The following PTPRD variants were observed in gnomAD, a reference collection of about 807,000 sequenced individuals.
The protein encoded by PTPRD is receptor-type tyrosine-protein phosphatase delta.
In PTPRD, 34 loss-of-function variants were observed where a neutral mutation model predicts 214.5. The ratio of observed to expected loss-of-function variants is 0.16; its 90% CI spans 0.12 to 0.21. PTPRD has a LOEUF of 0.21. PTPRD is among the 10% of genes least tolerant of loss of function. The pLI is 1.00. For missense variants in PTPRD, 2,545 were observed against 2,398.7 expected, an observed-to-expected ratio of 1.06 and a Z score of -1.27; for synonymous variants, 1,128 against 845.7, an observed-to-expected ratio of 1.33 and a Z score of -5.79.
chr9:8,461,478 T>G (rs1461641460), intron 32 of PTPRD, among the ~76,000 whole-genome samples: 1 of 151,972 alleles, frequency 6.6e-6, no homozygotes, highest in Non-Finnish European at 1.5e-5. Context: ...TCTTCTTGGC[T>G]CTACCTGCCC....
intron 2 of PTPRD, among the ~76,000 whole-genome samples, chr9:10,570,351 A>G (rs1382055683): frequency 2.0e-5 from 3 of 152,186 alleles, no homozygotes; most frequent in African/African-American, 7.2e-5. Context: ...AAAGGTCACA[A>G]ATGATTATGG....
At chr9:10,365,608 G>A (rs957043482) in intron 2 of PTPRD, among the ~76,000 whole-genome samples, 6 of 151,858 alleles carry the variant, frequency 4.0e-5, no homozygotes, top group Non-Finnish European at 8.8e-5. Flanking sequence ...CCAGATTATC[G>A]ACTTCTAGCA....
At chr9:9,444,171 C>A (rs531719591) in intron 8 of PTPRD, among the ~76,000 whole-genome samples, 8 of 152,184 alleles carry the variant, frequency 5.3e-5, no homozygotes, top group African/African-American at 1.4e-4. Flanking sequence ...TTAACATGTT[C>A]TTTGGATTTC....
At chr9:9,831,400 A>AT (rs1195195293) in intron 5 of PTPRD, among the ~76,000 whole-genome samples, 1 of 151,930 alleles carries the variant, frequency 6.6e-6, no homozygotes, top group Non-Finnish European at 1.5e-5. Flanking sequence ...AGGTTACTAC[A>AT]TTTTTTAGAT....
intron 2 of PTPRD, among the ~76,000 whole-genome samples, chr9:10,447,606 T>C (rs1783954957): frequency 6.6e-6 from 1 of 151,972 alleles, no homozygotes; most frequent in Non-Finnish European, 1.5e-5. Flanking sequence ...CTAATCATAC[T>C]ATATACAAAT....
At chr9:10,044,425 A>T (rs1442004780) in intron 3 of PTPRD, among the ~76,000 whole-genome samples, 1 of 151,768 alleles carries the variant, frequency 6.6e-6, no homozygotes, top group Admixed American at 6.6e-5. Context: ...AGATGTAAAA[A>T]TTGGATCAGA....
chr9:10,345,060 A>G (rs2097044172), intron 2 of PTPRD, among the ~76,000 whole-genome samples: 1 of 152,136 alleles, frequency 6.6e-6, no homozygotes, highest in Non-Finnish European at 1.5e-5. Flanking sequence ...GGTGAAGACT[A>G]TGGCTAAAAA....
At chr9:8,900,655 A>G (rs939501372) in intron 11 of PTPRD, among the ~76,000 whole-genome samples, 7 of 152,188 alleles carry the variant, frequency 4.6e-5, no homozygotes, top group African/African-American at 1.7e-4. Context: ...TAGTAATGAT[A>G]GTATAGCAGT....
At chr9:10,529,016 A>C (rs1036257441) in intron 2 of PTPRD, among the ~76,000 whole-genome samples, 2 of 152,156 alleles carry the variant, frequency 1.3e-5, no homozygotes, top group Non-Finnish European at 2.9e-5. Context: ...AGGTTTAGTG[A>C]AGCTCCTAGT....
rs139972204 is a variant in PTPRD at position 8,353,830 on chromosome 9, A to ATGTGTATATGTGTATATG, written c.4662-11853_4662-11852insCATATACACATATACACA. 2.4e-3 allele frequency among the ~76,000 whole-genome samples: 66 copies of ATGTGTATATGTGTATATG among 27,672 alleles called. 5 individuals are homozygous for ATGTGTATATGTGTATATG. The highest frequency in any genetic ancestry group is 8.3e-3 in the African/African-American group (65 of 7,852). 18.2% of individuals were successfully genotyped at this position (27,672 alleles called of 152,430 possible). On this transcript the variant is annotated intron_variant, in intron 39 of 45. Coordinates refer to ENST00000381196, the MANE Select transcript of PTPRD (RefSeq NM_002839.4). ...TTCTCAAAAAAAAATATATGTATAT[A>ATGTGTATATGTGTATATG]TGTATATATGTATATATGTATATAT...
intron 5 of PTPRD, among the ~76,000 whole-genome samples, chr9:9,926,514 C>T (rs2084368945): frequency 6.6e-6 from 1 of 151,504 alleles, no homozygotes; most frequent in Non-Finnish European, 1.5e-5. Context: ...ATGCATACAA[C>T]AGAGAAAAAG....
intron 9 of PTPRD, among the ~76,000 whole-genome samples, chr9:9,186,665 T>A (rs945463): frequency 0.7 from 96,386 of 137,998 alleles, 33,647 homozygotes; most frequent in South Asian, 0.84. Context: ...TCTCTCTCTC[T>A]CACACACACA....
chr9:10,220,403 C>T (rs545202526), intron 3 of PTPRD, among the ~76,000 whole-genome samples: 2 of 151,840 alleles, frequency 1.3e-5, no homozygotes, highest in South Asian at 2.1e-4. Flanking sequence ...AAACTACTCA[C>T]GTAACTTTAC....
chr9:9,704,132 T>G (rs1413335052), intron 7 of PTPRD, among the ~76,000 whole-genome samples: 1 of 152,218 alleles, frequency 6.6e-6, no homozygotes, highest in Non-Finnish European at 1.5e-5. Flanking sequence ...TATGTTAATT[T>G]TCTGAATCTC....
intron 39 of PTPRD, among the ~76,000 whole-genome samples, chr9:8,342,280 G>A (rs1374973656): frequency 1.3e-5 from 2 of 151,946 alleles, no homozygotes; most frequent in African/African-American, 4.8e-5. Flanking sequence ...GAAAACTTTT[G>A]AAGTCATTAT....
At chr9:8,722,744 T>A (rs1383781407) in intron 12 of PTPRD, among the ~76,000 whole-genome samples, 1 of 152,198 alleles carries the variant, frequency 6.6e-6, no homozygotes, top group African/African-American at 2.4e-5. Context: ...CTATGGATAT[T>A]GATGAAGGAA....
intron 11 of PTPRD, among the ~76,000 whole-genome samples, chr9:8,848,641 C>T (rs932427064): frequency 5.3e-5 from 8 of 151,788 alleles, no homozygotes; most frequent in Middle Eastern, 3.4e-3. Flanking sequence ...AAGAAAGCAC[C>T]ATGTCATTGG....
chr9:9,737,357 G>T (rs758495187), intron 6 of PTPRD, among the ~76,000 whole-genome samples: 2 of 151,900 alleles, frequency 1.3e-5, no homozygotes, highest in Non-Finnish European at 2.9e-5. Flanking sequence ...TTACTATATT[G>T]ATATAATTTA....
chr9:9,665,201 G>A (rs959838767), intron 7 of PTPRD, among the ~76,000 whole-genome samples: 2 of 151,582 alleles, frequency 1.3e-5, no homozygotes, highest in Admixed American at 1.3e-4. Flanking sequence ...GAACGGCAAA[G>A]AGCCAACTTT....
Sources: gnomAD v4.1 joint callset for allele counts (sites outside exome capture counted in the v4.1 genomes callset) on GRCh38, gnomAD v4.1.1 for gene constraint, MANE v1.5 for transcripts, NCBI Gene and HGNC (gene_info 2026-07-23, HGNC 2026-07-21) for gene names.